The following KIAA1549L variants were observed in gnomAD, a reference collection of about 807,000 sequenced individuals.
The protein encoded by KIAA1549L is UPF0606 protein KIAA1549L.
KIAA1549L carries 88 observed loss-of-function variants against 160.7 expected under a neutral mutation model. The observed-to-expected ratio is 0.55, with a 90% CI of 0.46 to 0.65. KIAA1549L has a LOEUF of 0.65. Ranked by LOEUF, KIAA1549L falls within the 30% of genes least tolerant of loss-of-function variation. KIAA1549L has a pLI of 0.00. For missense variants in KIAA1549L, 2,258 were observed against 2,437.5 expected, an observed-to-expected ratio of 0.93 and a Z score of 1.55; for synonymous variants, 950 against 976.7, an observed-to-expected ratio of 0.97 and a Z score of 0.51.
chr11:33,455,176 C>A, intron 1 of KIAA1549L, among the ~76,000 whole-genome samples: 1 of 152,278 alleles, frequency 6.6e-6, no homozygotes, highest in South Asian at 2.1e-4. Flanking sequence ...CCTTAGTTTG[C>A]CAGAAAGCTT....
intron 17 of KIAA1549L, among the ~76,000 whole-genome samples, chr11:33,648,055 C>G (rs530375981): frequency 6.6e-6 from 1 of 152,128 alleles, no homozygotes; most frequent in Non-Finnish European, 1.5e-5. Flanking sequence ...AGTGCAGTGG[C>G]GCAATCTTGG....
At chr11:33,628,972 G>T (rs1851197934) in intron 16 of KIAA1549L, among the ~76,000 whole-genome samples, 1 of 151,416 alleles carries the variant, frequency 6.6e-6, no homozygotes, top group Non-Finnish European at 1.5e-5. Flanking sequence ...CTCTTTTAGG[G>T]CAGGCCTGGT....
chr11:33,414,337 A>G (rs1465138619), intron 1 of KIAA1549L, among the ~76,000 whole-genome samples: 1 of 152,192 alleles, frequency 6.6e-6, no homozygotes, highest in Non-Finnish European at 1.5e-5. Flanking sequence ...AATCTTATAA[A>G]AGGACTTTTA....
intron 8 of KIAA1549L, among the ~76,000 whole-genome samples, chr11:33,566,633 G>A (rs1157222440): frequency 6.6e-6 from 1 of 152,214 alleles, no homozygotes; most frequent in Admixed American, 6.5e-5. Context: ...ACCTAGCTGT[G>A]ACTTTTCTTT....
chr11:33,379,652 G>T (rs1310447881), intron 1 of KIAA1549L, among the ~76,000 whole-genome samples: 3 of 152,178 alleles, frequency 2.0e-5, no homozygotes, highest in Non-Finnish European at 4.4e-5. Context: ...GTGCTCATCT[G>T]TTCACGGGCA....
chr11:33,434,642 A>T (rs551165666), intron 1 of KIAA1549L, among the ~76,000 whole-genome samples: 2 of 152,318 alleles, frequency 1.3e-5, no homozygotes, highest in African/African-American at 4.8e-5. Context: ...ACCAGCAGCC[A>T]TTTGGGTCAC....
At chr11:33,582,894 C>G (rs1173528306) in intron 10 of KIAA1549L, among the ~76,000 whole-genome samples, 1 of 152,198 alleles carries the variant, frequency 6.6e-6, no homozygotes, top group Non-Finnish European at 1.5e-5. Context: ...AGGGTGACTA[C>G]ACTACAATAT....
In KIAA1549L at chr11:33,543,219, C is replaced by T. The variant is rs2133176891; in HGVS notation, c.1656C>T (p.Ser552=). 6.2e-7 allele frequency: 1 copy of T among 1,614,036 alleles called. No homozygotes were observed. The highest frequency in any genetic ancestry group is 8.5e-7 in the Non-Finnish European group (1 of 1,179,900). The change falls in exon 2 of 21, where the codon TCC becomes TCT. Residue 552 remains serine, a synonymous_variant. Transcript: ENST00000658780. ...CAAGCAAAGTTCCTAATCTTCTTTCCACATCTTGGACATTTCCCCGGTGGA... is the reference window on the plus strand; with the variant it reads ...CAAGCAAAGTTCCTAATCTTCTTTCTACATCTTGGACATTTCCCCGGTGGA... The part of the protein sequence containing the change: ...LLSSKVPNLL[S]TSWTFPRWKK...
chr11:33,397,042 A>G (rs2134057761), intron 1 of KIAA1549L, among the ~76,000 whole-genome samples: 1 of 151,918 alleles, frequency 6.6e-6, no homozygotes, highest in African/African-American at 2.4e-5. Context: ...TAAAAGTGAA[A>G]ACGTTTTAGG....
intron 17 of KIAA1549L, among the ~76,000 whole-genome samples, chr11:33,654,693 G>A (rs1193726011): frequency 2.6e-5 from 4 of 152,104 alleles, no homozygotes; most frequent in Non-Finnish European, 4.4e-5. Context: ...TTCGCCATTC[G>A]TATTTGCTTA....
intron 16 of KIAA1549L, among the ~76,000 whole-genome samples, chr11:33,629,042 C>A (rs554746254): frequency 3.0e-4 from 43 of 145,584 alleles, no homozygotes; most frequent in South Asian, 4.2e-4. Context: ...CCTTCACTTA[C>A]GAAGCTTAGT....
intron 19 of KIAA1549L, among the ~76,000 whole-genome samples, chr11:33,659,721 C>T (rs1388457948): frequency 6.6e-6 from 1 of 152,204 alleles, no homozygotes; most frequent in Admixed American, 6.5e-5. Flanking sequence ...TTTAAAAATA[C>T]ACACTCTCCT....
chr11:33,442,438 T>C (rs35659395), intron 1 of KIAA1549L, among the ~76,000 whole-genome samples: 31,879 of 151,606 alleles, frequency 0.21, 3,606 homozygotes, highest in Middle Eastern at 0.32. Flanking sequence ...TTTAAAGTAG[T>C]TTTTTCCAAT....
intron 10 of KIAA1549L, among the ~76,000 whole-genome samples, chr11:33,575,549 A>C (rs1023282985): frequency 6.6e-6 from 1 of 152,234 alleles, no homozygotes; most frequent in Non-Finnish European, 1.5e-5. Flanking sequence ...CAGGAAAGGA[A>C]ACTGAGGCTC....
Position 33,551,066 on chromosome 11 carries a change from T to C in KIAA1549L, c.3528T>C (p.Asn1176=), listed in dbSNP as rs755351255. ...AHVDILEYSH[N]VTVGYYATKG... is the part of the protein sequence containing the mutation. ...TGGACATTCTGGAATATTCTCATAATGTCACAGTTGGTTATTATGCTACCA... is the reference window on the plus strand; with the variant it reads ...TGGACATTCTGGAATATTCTCATAACGTCACAGTTGGTTATTATGCTACCA... The change falls in exon 5 of 21, where the codon AAT becomes AAC. Residue 1176 remains asparagine (N), a synonymous_variant. Coordinates refer to ENST00000658780, the MANE Select transcript of KIAA1549L (RefSeq NM_012194.3). 10 of 1,614,018 alleles carry C rather than the reference T, an allele frequency of 6.2e-6. No homozygotes were observed. The highest frequency in any genetic ancestry group is 5.1e-6 in the Non-Finnish European group (6 of 1,179,870).
intron 1 of KIAA1549L, among the ~76,000 whole-genome samples, chr11:33,393,254 A>G (rs74608803): frequency 0.01 from 1,585 of 152,108 alleles, 31 homozygotes; most frequent in African/African-American, 0.037. Context: ...CATGATTACC[A>G]TCTACACTTC....
intron 1 of KIAA1549L, among the ~76,000 whole-genome samples, chr11:33,416,463 A>G (rs996085621): frequency 4.0e-5 from 6 of 148,996 alleles, no homozygotes; most frequent in African/African-American, 9.9e-5. Flanking sequence ...AAAATGTTTG[A>G]AAAAAAAAAC....
At chr11:33,627,787 C>T (rs1851161181) in intron 16 of KIAA1549L, among the ~76,000 whole-genome samples, 1 of 151,914 alleles carries the variant, frequency 6.6e-6, no homozygotes, top group South Asian at 2.1e-4. Flanking sequence ...CTATTTCCTT[C>T]AGTTCTGCTC....
chr11:33,401,412 A>C (rs1193213208), intron 1 of KIAA1549L, among the ~76,000 whole-genome samples: 1 of 151,160 alleles, frequency 6.6e-6, no homozygotes, highest in African/African-American at 2.4e-5. Context: ...GTTCCCCATC[A>C]GTATCATTTC....
Sources: gnomAD v4.1 joint callset for allele counts (sites outside exome capture counted in the v4.1 genomes callset) on GRCh38, gnomAD v4.1.1 for gene constraint, MANE v1.5 for transcripts, NCBI Gene and HGNC (gene_info 2026-07-23, HGNC 2026-07-21) for gene names.